Variants in TBL1XR1 observed in about 807,000 individuals in gnomAD.
TBL1XR1 encodes F-box-like/WD repeat-containing protein TBL1XR1.
A neutral mutation model predicts 66.9 loss-of-function variants in TBL1XR1; 5 were observed. That is an observed-to-expected ratio of 0.07 (90% CI 0.04 to 0.16). The LOEUF is 0.16. Ranked by LOEUF, TBL1XR1 falls within the 10% of genes least tolerant of loss-of-function variation. The probability of loss-of-function intolerance (pLI) is 1.00; values close to 1 mark genes in which losing one functional copy is unlikely to be tolerated. For missense variants in TBL1XR1, 238 were observed against 623.2 expected, an observed-to-expected ratio of 0.38 and a Z score of 6.58; for synonymous variants, 210 against 206.0, an observed-to-expected ratio of 1.02 and a Z score of -0.17.
intron 1 of TBL1XR1, among the ~76,000 whole-genome samples, chr3:177,134,154 A>G (rs1728634540): frequency 6.6e-6 from 1 of 152,174 alleles, no homozygotes. Context: ...AAGTCAGCCC[A>G]CTGTGATGTC....
At chr3:177,055,440 C>CT (rs1717672163) in intron 3 of TBL1XR1, among the ~76,000 whole-genome samples, 2 of 151,252 alleles carry the variant, frequency 1.3e-5, no homozygotes, top group Admixed American at 1.3e-4. Flanking sequence ...CCTCTAAAAC[C>CT]TTGATTTTAG....
intron 1 of TBL1XR1, among the ~76,000 whole-genome samples, chr3:177,146,853 AAAG>A (rs1730317785): frequency 6.6e-6 from 1 of 152,132 alleles, no homozygotes; most frequent in Admixed American, 6.6e-5. Context: ...AGCGAAAATT[AAAG>A]AAGGCTGGTT....
chr3:177,124,584 G>A (rs1727383006), intron 1 of TBL1XR1, among the ~76,000 whole-genome samples: 1 of 152,012 alleles, frequency 6.6e-6, no homozygotes, highest in South Asian at 2.1e-4. Flanking sequence ...GCTACTGGAA[G>A]GCCTTTCTCC....
chr3:177,153,498 T>C (rs771909597), intron 1 of TBL1XR1, among the ~76,000 whole-genome samples: 3 of 152,076 alleles, frequency 2.0e-5, no homozygotes, highest in East Asian at 1.9e-4. Context: ...ACAGCAAAAA[T>C]AGTACATAAA....
chr3:177,115,636 T>C (rs189587049), intron 1 of TBL1XR1, among the ~76,000 whole-genome samples: 4 of 152,304 alleles, frequency 2.6e-5, no homozygotes, highest in African/African-American at 9.6e-5. Context: ...TCCCCGCAAC[T>C]TTGAGGTCTA....
At chr3:177,116,021 T>C (rs764971274) in intron 1 of TBL1XR1, among the ~76,000 whole-genome samples, 17 of 152,158 alleles carry the variant, frequency 1.1e-4, no homozygotes, top group Non-Finnish European at 2.2e-4. Flanking sequence ...CAGCACTTCT[T>C]CCTGCTTAAA....
intron 2 of TBL1XR1, among the ~76,000 whole-genome samples, chr3:177,086,025 G>T (rs1241045427): frequency 4.0e-5 from 6 of 151,896 alleles, no homozygotes; most frequent in Non-Finnish European, 5.9e-5. Context: ...CTAAACAAGA[G>T]AACTTACTTA....
chr3:177,118,260 A>G (rs1200372720), intron 1 of TBL1XR1, among the ~76,000 whole-genome samples: 1 of 152,210 alleles, frequency 6.6e-6, no homozygotes, highest in East Asian at 1.9e-4. Context: ...TTGAACATTC[A>G]TTCATTCATT....
chr3:177,038,207 T>C, intron 11 of TBL1XR1, 35 bp from the exon 12 acceptor site: 1 of 1,608,216 alleles, frequency 6.2e-7, no homozygotes. Context: ...ATTTTCATTG[T>C]ATAGACTGGG....
intron 1 of TBL1XR1, among the ~76,000 whole-genome samples, chr3:177,111,341 C>T (rs934348428): frequency 2.0e-5 from 3 of 151,210 alleles, no homozygotes; most frequent in Non-Finnish European, 4.4e-5. Flanking sequence ...GGCGCTATCT[C>T]GGCTCACTGC....
At chr3:177,027,330 A>G (rs1389043383) in intron 14 of TBL1XR1, 4 of 152,226 alleles carry the variant, frequency 2.6e-5, no homozygotes, top group African/African-American at 9.6e-5. Flanking sequence ...AAGACGTTAT[A>G]TGTTTAAACA....
intron 1 of TBL1XR1, among the ~76,000 whole-genome samples, chr3:177,150,078 CTCT>C (rs1424433542): frequency 6.6e-6 from 1 of 152,096 alleles, no homozygotes; most frequent in Non-Finnish European, 1.5e-5. Context: ...CCCGTTTTTT[CTCT>C]TATCTGATTC....
At chr3:177,067,627 A>G (rs1356524625) in intron 2 of TBL1XR1, among the ~76,000 whole-genome samples, 1 of 152,238 alleles carries the variant, frequency 6.6e-6, no homozygotes, top group Non-Finnish European at 1.5e-5. Flanking sequence ...TAAGAGCAGG[A>G]AAGTTATCTG....
chr3:177,053,088 C>T (rs1238210031), intron 4 of TBL1XR1, among the ~76,000 whole-genome samples: 2 of 152,028 alleles, frequency 1.3e-5, no homozygotes, highest in African/African-American at 2.4e-5. Flanking sequence ...GGCAACAGAG[C>T]GAGATTCCGT....
At position 177,020,510 on chromosome 3, in the gene TBL1XR1, T is replaced by C. The variant is rs1712216485; in HGVS notation, c.*4988A>G. 6.6e-6 allele frequency: 1 copy of C among 152,184 alleles called. No homozygotes were observed. Among genetic ancestry groups the C allele is most frequent in the Admixed American group, 6.5e-5 (1 of 15,272 alleles). The allele number at this position is 152,184 out of a possible 1,614,324, so 9.4% of individuals were successfully genotyped here. On this transcript the variant is annotated 3_prime_UTR_variant, in exon 16 of 16. Transcript: ENST00000457928. ...AATACGTTTATGAAAAACAGTGGTT[T>C]GGGTTCTGATGGCAGTTATTAATCA...
chr3:177,099,012 T>G (rs1385540961), intron 1 of TBL1XR1, among the ~76,000 whole-genome samples: 2 of 152,160 alleles, frequency 1.3e-5, no homozygotes, highest in Non-Finnish European at 2.9e-5. Flanking sequence ...GCTTATCCAG[T>G]TTTCTCAATT....
chr3:177,187,943 CTTTTTTTTTTTTTT>C (rs571361204), intron 1 of TBL1XR1, among the ~76,000 whole-genome samples: 1 of 77,838 alleles, frequency 1.3e-5, no homozygotes, highest in African/African-American at 6.6e-5. Flanking sequence ...GTACAATTTC[CTTTTTTTTTTTTTT>C]TTTTTTTTTT....
At chr3:177,030,409 A>G (rs931856530) in intron 14 of TBL1XR1, among the ~76,000 whole-genome samples, 2 of 152,102 alleles carry the variant, frequency 1.3e-5, no homozygotes, top group Non-Finnish European at 2.9e-5. Flanking sequence ...AAAAAACACT[A>G]GCTTGAAAAG....
At chr3:177,041,446 C>T (rs895487204) in intron 10 of TBL1XR1, among the ~76,000 whole-genome samples, 9 of 152,176 alleles carry the variant, frequency 5.9e-5, no homozygotes, top group African/African-American at 1.9e-4. Context: ...CCCTCCCCCC[C>T]ATCCTGCTTC....
Sources: allele counts gnomAD v4.1 joint callset (sites outside exome capture counted in the v4.1 genomes callset), GRCh38; gene constraint gnomAD v4.1.1; transcripts MANE v1.5; gene names NCBI Gene and HGNC (gene_info 2026-07-23, HGNC 2026-07-21).